ARHGAP39: variants seen among roughly 807,000 people sequenced by gnomAD.
ARHGAP39 encodes the protein Rho GTPase activating protein 39, also known as rho GTPase-activating protein 39.
Under a neutral mutation model 106.9 loss-of-function variants are expected in ARHGAP39, and 44 were observed. That is an observed-to-expected ratio of 0.41 (90% CI 0.32 to 0.53). The LOEUF (loss-of-function observed/expected upper bound fraction) is 0.53. Among genes scored for constraint, ARHGAP39 ranks in the 20% least tolerant of loss-of-function variants. The probability of loss-of-function intolerance (pLI) is 0.21; values close to 1 mark genes in which losing one functional copy is unlikely to be tolerated. For synonymous variants in ARHGAP39, 768 were observed against 693.2 expected, an observed-to-expected ratio of 1.11 and a Z score of -1.69; for missense variants, 1,496 against 1,577.3, an observed-to-expected ratio of 0.95 and a Z score of 0.87.
At chr8:144,544,832 C>G (rs370254982) in intron 6 of ARHGAP39, among the ~76,000 whole-genome samples, 2 of 152,266 alleles carry the variant, frequency 1.3e-5, no homozygotes, top group African/African-American at 4.8e-5. Flanking sequence ...CCAGAAGAGA[C>G]AACCCGGATC....
chr8:144,588,809 G>GCTCACCGCA (rs1563690264), intron 2 of ARHGAP39, among the ~76,000 whole-genome samples: 1 of 152,240 alleles, frequency 6.6e-6, no homozygotes, highest in East Asian at 1.9e-4. Context: ...TGCTCACCGC[G>GCTCACCGCA]CCGTGACATG....
At chr8:144,559,779 C>T (rs1818076788) in intron 3 of ARHGAP39, among the ~76,000 whole-genome samples, 1 of 152,194 alleles carries the variant, frequency 6.6e-6, no homozygotes, top group Admixed American at 6.5e-5. Context: ...GGACCCAAGT[C>T]TAAATACAAA....
chr8:144,555,469 C>T lies in ARHGAP39; in HGVS notation c.596+91G>A, dbSNP rs954812818. 27 of 1,124,116 alleles carry T rather than the reference C, an allele frequency of 2.4e-5. 1 individual carries two copies. The Middle Eastern group carries it at 7.8e-4, about 32-fold the overall frequency. The allele number at this position is 1,124,116 out of a possible 1,614,324, so 69.6% of individuals were successfully genotyped here. On this transcript the variant is annotated intron_variant, in intron 4 of 11. Coordinates refer to ENST00000377307, the MANE Select transcript of ARHGAP39 (RefSeq NM_025251.3). Reference sequence around the variant, plus strand: ...CTCTGGGTCTGTGGTGTTGCTGCTACGCGCCAGGCACCTCCCACTTGCAGT... The same window carrying T: ...CTCTGGGTCTGTGGTGTTGCTGCTATGCGCCAGGCACCTCCCACTTGCAGT...
At chr8:144,619,562 G>A (rs1372455000) in intron 1 of ARHGAP39, among the ~76,000 whole-genome samples, 2 of 152,008 alleles carry the variant, frequency 1.3e-5, no homozygotes, top group African/African-American at 4.8e-5. Context: ...GAGACAGCGT[G>A]AGTACCCGTG....
chr8:144,534,257 G>A, intron 7 of ARHGAP39, 55 bp from the exon 8 acceptor site: 3 of 1,596,272 alleles, frequency 1.9e-6, no homozygotes, highest in Non-Finnish European at 1.7e-6. Flanking sequence ...TGTGGGGCCA[G>A]GAGAGGGGTG....
rs1044049568 is a variant in ARHGAP39, at chr8:144,647,211, C to T, written c.-82+38475G>A. On this transcript the variant is annotated intron_variant, in intron 1 of 11. Coordinates refer to ENST00000377307, the MANE Select transcript of ARHGAP39 (RefSeq NM_025251.3). The surrounding 1 kb of genome is among the most constrained non-coding windows in gnomAD (Gnocchi z 4.8). The stretch of plus-strand genomic sequence containing the variant: ...CTTGATCTCTTGACCTCATGATCCG[C>T]GTGCCTCAGCCTCCCAAACTGCTGG... 9.9e-5 allele frequency among the ~76,000 whole-genome samples: 15 copies of T among 152,076 alleles called. No individual in the cohort carries two copies. The highest frequency in any genetic ancestry group is 5.8e-4 in the East Asian group (3 of 5,174).
intron 1 of ARHGAP39, among the ~76,000 whole-genome samples, chr8:144,673,665 C>T (rs886106284): frequency 1.3e-5 from 2 of 152,200 alleles, no homozygotes; most frequent in African/African-American, 2.4e-5. Flanking sequence ...AGCCAGAAAC[C>T]GCTGTGGCCA....
intron 2 of ARHGAP39, among the ~76,000 whole-genome samples, chr8:144,600,788 C>A (rs1052734993): frequency 7.0e-6 from 1 of 143,144 alleles, no homozygotes; most frequent in African/African-American, 2.6e-5. Context: ...GAGGCATGCG[C>A]GTGAGCTCAT....
At chr8:144,537,945 A>G (rs1486603601) in intron 6 of ARHGAP39, 132 bp from the exon 7 acceptor site, 3 of 760,648 alleles carry the variant, frequency 3.9e-6, no homozygotes, top group Non-Finnish European at 6.5e-6. Flanking sequence ...CTGGGGGCTG[A>G]GCGTTTCTGG....
At chr8:144,546,088 G>A (rs527507353) in intron 5 of ARHGAP39, among the ~76,000 whole-genome samples, 158 of 152,328 alleles carry the variant, frequency 1.0e-3, no homozygotes, top group Non-Finnish European at 1.9e-3. Flanking sequence ...GGGTGAGGCG[G>A]GAGGAAGGGG....
At chr8:144,680,030 C>T (rs756225540) in intron 1 of ARHGAP39, among the ~76,000 whole-genome samples, 13 of 152,258 alleles carry the variant, frequency 8.5e-5, no homozygotes, top group Middle Eastern at 3.4e-3. Context: ...AATTCAAAGA[C>T]CTTCTCATTA....
rs1563684608 is a variant in ARHGAP39, at chr8:144,579,986, G to C, written c.512+860C>G. On this transcript the variant is annotated intron_variant, in intron 3 of 11. Coordinates refer to ENST00000377307, the MANE Select transcript of ARHGAP39 (RefSeq NM_025251.3). ...GCCCCAGCCTCCTGTCCCTGCCTCG[G>C]CTCTTCCCCACTGTCCTGCTGGCCT... 3.3e-5 allele frequency among the ~76,000 whole-genome samples: 5 copies of C among 151,940 alleles called. No individual in the cohort carries two copies. In the South Asian group the frequency reaches 1.0e-3, roughly 32 times the overall value.
intron 1 of ARHGAP39, among the ~76,000 whole-genome samples, chr8:144,619,798 G>C (rs1247705056): frequency 6.6e-6 from 1 of 150,840 alleles, no homozygotes; most frequent in Non-Finnish European, 1.5e-5. Context: ...GAGAGCGCGT[G>C]CCCGTGTGTG....
At chr8:144,613,490 G>GTTT (rs59528973) in intron 1 of ARHGAP39, among the ~76,000 whole-genome samples, 1 of 143,428 alleles carries the variant, frequency 7.0e-6, no homozygotes, top group African/African-American at 2.5e-5. Context: ...TTGGTGGACA[G>GTTT]TTTTTTTTTT....
chr8:144,600,652 AG>A (rs1819849458), intron 2 of ARHGAP39, among the ~76,000 whole-genome samples: 1 of 134,852 alleles, frequency 7.4e-6, no homozygotes, highest in African/African-American at 2.9e-5. Context: ...GTGTGCATGG[AG>A]GTGTGCGTGC....
At chr8:144,605,978 C>T (rs563196309) in intron 1 of ARHGAP39, among the ~76,000 whole-genome samples, 11 of 152,342 alleles carry the variant, frequency 7.2e-5, no homozygotes, top group African/African-American at 2.2e-4. Flanking sequence ...CACGATGGGC[C>T]GGGGCAGGCA....
Position 144,586,647 on chromosome 8 carries a change from G to A in ARHGAP39, c.81-5370C>T, listed in dbSNP as rs1819195335. Among the ~76,000 whole-genome samples the A allele has an allele frequency of 6.6e-6, 1 of 152,216 alleles. No homozygotes were observed. The highest frequency in any genetic ancestry group is 6.5e-5 in the Admixed American group (1 of 15,284). On this transcript the variant is annotated intron_variant, in intron 2 of 11. Transcript: ENST00000377307. The surrounding 1 kb of genome is among the most constrained non-coding windows in gnomAD (Gnocchi z 4.2). ...TGGGGCAGTGGCCAGAAAACTGGCT[G>A]ATGCAGGTACCACACCCACTTCCAG...
At chr8:144,619,924 G>A (rs937480149) in intron 1 of ARHGAP39, among the ~76,000 whole-genome samples, 6 of 147,200 alleles carry the variant, frequency 4.1e-5, no homozygotes, top group African/African-American at 1.0e-4. Flanking sequence ...GCCCGTGTGC[G>A]TGTGAGCCTG....
rs1176519558 is a variant in ARHGAP39 at position 144,585,217 on chromosome 8, C to T, written c.81-3940G>A. On this transcript the variant is annotated intron_variant, in intron 2 of 11. Transcript: ENST00000377307. This position sits in a 1 kb window ranked among gnomAD's most constrained non-coding sequence, Gnocchi z 4.6. ...GACCCCCCAGAAGCCTCTGCCGGTCCCAGCTCCAGATGCAATGGCAGACTC... is the reference window on the plus strand; with the variant it reads ...GACCCCCCAGAAGCCTCTGCCGGTCTCAGCTCCAGATGCAATGGCAGACTC... 6.6e-6 allele frequency among the ~76,000 whole-genome samples: 1 copy of T among 152,166 alleles called. No homozygotes were observed. The highest frequency in any genetic ancestry group is 1.5e-5 in the Non-Finnish European group (1 of 68,012).
Sources: gnomAD v4.1 joint callset for allele counts (sites outside exome capture counted in the v4.1 genomes callset) on GRCh38, gnomAD v4.1.1 for gene constraint, Gnocchi (gnomAD v3.1) non-coding constraint, MANE v1.5 for transcripts, NCBI Gene and HGNC (gene_info 2026-07-23, HGNC 2026-07-21) for gene names.